Variants in KMT2C observed in about 807,000 individuals in gnomAD.
KMT2C encodes the protein histone-lysine N-methyltransferase 2C.
In KMT2C, 88 loss-of-function variants were observed where a neutral mutation model predicts 507.9. The observed-to-expected ratio is 0.17, with a 90% confidence interval of 0.15 to 0.21. The LOEUF is 0.21. Among genes scored for constraint, KMT2C ranks in the 10% least tolerant of loss-of-function variants. The pLI is 1.00. For synonymous variants in KMT2C, 2,049 were observed against 2,080.8 expected, an observed-to-expected ratio of 0.98 and a Z score of 0.42; for missense variants, 4,954 against 5,957.8, an observed-to-expected ratio of 0.83 and a Z score of 5.55.
chr7:152,152,882 T>G lies in KMT2C; in HGVS notation c.12349A>C (p.Ser4117Arg). The G allele has an allele frequency of 6.2e-7, 1 of 1,614,192 alleles. No individual in the cohort carries two copies. The highest frequency in any genetic ancestry group is 8.5e-7 in the Non-Finnish European group (1 of 1,180,028). Residue 4117 changes from serine to arginine, a missense_variant, in exon 49 of 59, where the codon AGT (serine) becomes CGT (arginine). This residue lies in a region of KMT2C where 417 missense variants were observed against 461.1 expected (regional missense o/e 0.90). Transcript: ENST00000262189. ...CCCATGGATGGGACATCTGGAGCAC[T>G]GCTAACCTCATAGCTGTTAGGGATT... is the stretch of plus-strand genomic sequence containing the variant. Reference protein sequence around the residue: ...VRIPNSYEVSSAPDVPSMGLV... With the variant: ...VRIPNSYEVSRAPDVPSMGLV...
In KMT2C at chr7:152,252,624, T is replaced by C. The variant is rs2095579613; in HGVS notation, c.1391A>G (p.Asp464Gly). ...CTTCCCACAGAAGGGACATAAGTTATCCTGCTGTTGGTAACAATTGTCACA... is the reference window on the plus strand; with the variant it reads ...CTTCCCACAGAAGGGACATAAGTTACCCTGCTGTTGGTAACAATTGTCACA... ...LICDNCYQQQ[D>G]NLCPFCGKCY... The change falls in exon 10 of 59, where the codon GAT becomes GGT. Residue 464 changes from aspartate (D) to glycine (G), a missense_variant. By Grantham distance (94) the Asp-to-Gly change is moderately conservative. This residue lies in a region of KMT2C where 376 missense variants were observed against 352.4 expected (regional missense o/e 1.07). Transcript: ENST00000262189. The C allele has an allele frequency of 6.2e-7, 1 of 1,613,364 alleles. No homozygotes were observed. Among genetic ancestry groups the C allele is most frequent in the East Asian group, 2.2e-5 (1 of 44,848 alleles).
chr7:152,323,946 G>A (rs867779993), intron 3 of KMT2C, among the ~76,000 whole-genome samples: 2 of 151,282 alleles, frequency 1.3e-5, no homozygotes, highest in South Asian at 2.1e-4. Context: ...AGACAAATAC[G>A]GCATGATCTC....
chr7:152,302,099 CAA>C (rs1375312667), intron 6 of KMT2C, among the ~76,000 whole-genome samples: 1 of 152,102 alleles, frequency 6.6e-6, no homozygotes, highest in Non-Finnish European at 1.5e-5. Flanking sequence ...TGGTTTTACA[CAA>C]AGACATCTGG....
At chr7:152,215,721 T>TAC (rs1252311319) in intron 23 of KMT2C, among the ~76,000 whole-genome samples, 17 of 141,022 alleles carry the variant, frequency 1.2e-4, no homozygotes, top group South Asian at 6.7e-4. Context: ...AATATATATA[T>TAC]ATACACACAC....
intron 1 of KMT2C, among the ~76,000 whole-genome samples, chr7:152,411,809 G>GGATTTCTTT (rs2097687667): frequency 6.6e-6 from 1 of 152,252 alleles, no homozygotes; most frequent in African/African-American, 2.4e-5. Flanking sequence ...AAAGGGAAAC[G>GGATTTCTTT]AACGCGTTTT....
At chr7:152,159,933 G>A (rs1421728698) in intron 43 of KMT2C, among the ~76,000 whole-genome samples, 6 of 152,258 alleles carry the variant, frequency 3.9e-5, no homozygotes, top group South Asian at 2.1e-4. Context: ...ATAGTTTAGC[G>A]CATGGATGGC....
chr7:152,341,241 C>A (rs936406529), intron 2 of KMT2C, among the ~76,000 whole-genome samples: 1 of 152,158 alleles, frequency 6.6e-6, no homozygotes, highest in African/African-American at 2.4e-5. Flanking sequence ...CCCAGCCAAG[C>A]CTGACCTAAA....
intron 6 of KMT2C, among the ~76,000 whole-genome samples, chr7:152,289,604 TAA>T (rs1358539276): frequency 2.0e-5 from 3 of 152,158 alleles, no homozygotes; most frequent in Non-Finnish European, 4.4e-5. Context: ...AAAAAAGGAA[TAA>T]AGTGAGCCTG....
intron 6 of KMT2C, among the ~76,000 whole-genome samples, chr7:152,301,197 TAA>T (rs71533557): frequency 0.11 from 14,470 of 132,492 alleles, 1,686 homozygotes; most frequent in African/African-American, 0.3. Context: ...CCCTGTCTCC[TAA>T]AAAAAAAAAA....
intron 34 of KMT2C, among the ~76,000 whole-genome samples, chr7:152,183,720 C>CT: frequency 6.6e-6 from 1 of 152,104 alleles, no homozygotes; most frequent in East Asian, 1.9e-4. Flanking sequence ...AACATGGAGA[C>CT]ACCCCATCTC....
intron 1 of KMT2C, among the ~76,000 whole-genome samples, chr7:152,393,793 G>A (rs1240672899): frequency 1.3e-5 from 2 of 151,572 alleles, no homozygotes; most frequent in African/African-American, 4.9e-5. Flanking sequence ...TGGGGAGGTT[G>A]AGGCAGGAGA....
At position 152,435,836 on chromosome 7, in the gene KMT2C, TCCCGCCGCCGCGGCC is replaced by T. The variant is rs1365047049; in HGVS notation, c.-65_-51del. ...GATCCCGGTCCTCCTCCTGGGGGGC[TCCCGCCGCCGCGGCC>T]GCCGCCGCCGCCGCTGCTGCTCGGG... On this transcript the variant is annotated 5_prime_UTR_variant, in exon 1 of 59. Coordinates refer to ENST00000262189, the MANE Select transcript of KMT2C (RefSeq NM_170606.3). The T allele has an allele frequency of 1.3e-5, 13 of 994,948 alleles. No individual in the cohort carries two copies. The South Asian group carries it at 2.1e-4, about 16-fold the overall frequency. 61.6% of individuals were successfully genotyped at this position (994,948 alleles called of 1,614,324 possible).
rs2129164171 is a variant in KMT2C at position 152,248,269 on chromosome 7, C to T, written c.2165G>A (p.Gly722Glu). 1.9e-6 allele frequency: 3 copies of T among 1,613,880 alleles called. No homozygotes were observed. Among genetic ancestry groups the T allele is most frequent in the Non-Finnish European group, 1.7e-6 (2 of 1,179,800 alleles). ...EEQLVIERLQ[G>E]EKEQKENSEL... The stretch of plus-strand genomic sequence containing the variant: ...AGAATTTTCTTTCTGTTCCTTTTCT[C>T]CTTGTAGCCTTTCTATAACCAACTG... The change falls in exon 14 of 59, where the codon GGA (glycine) becomes GAA (glutamate). Residue 722 changes from glycine to glutamate, a missense_variant. By Grantham distance (98) the Gly-to-Glu change is moderately conservative. This residue lies in a region of KMT2C where 376 missense variants were observed against 352.4 expected (regional missense o/e 1.07). Transcript: ENST00000262189.
At chr7:152,351,937 A>G (rs7787677) in intron 2 of KMT2C, among the ~76,000 whole-genome samples, 22,700 of 152,130 alleles carry the variant, frequency 0.15, 4,517 homozygotes, top group African/African-American at 0.46. Context: ...ATGAAATCTG[A>G]GCACCTTGAA....
chr7:152,366,846 T>C (rs1198444539), intron 1 of KMT2C: 3 of 279,324 alleles, frequency 1.1e-5, no homozygotes, highest in African/African-American at 6.9e-5. Flanking sequence ...GGAGGAGCTT[T>C]ACAACTTCCC....
Position 152,346,270 on chromosome 7 carries a change from A to T in KMT2C, c.250+12317T>A, listed in dbSNP as rs530872641. On this transcript the variant is annotated intron_variant, in intron 2 of 58. Coordinates refer to ENST00000262189, the MANE Select transcript of KMT2C (RefSeq NM_170606.3). The stretch of plus-strand genomic sequence containing the variant: ...GACATCTAAAGACTACTTCATCAAC[A>T]ATAGCAGAATACACATGCTTCTCAT... Among the ~76,000 whole-genome samples, 4 of 152,322 alleles carry T rather than the reference A, an allele frequency of 2.6e-5. No homozygotes were observed. In the East Asian group the frequency reaches 7.7e-4, roughly 29 times the overall value.
chr7:152,151,923 G>A (rs1266167942), intron 49 of KMT2C, among the ~76,000 whole-genome samples: 1 of 151,858 alleles, frequency 6.6e-6, no homozygotes, highest in Non-Finnish European at 1.5e-5. Flanking sequence ...AGGTTAAGAT[G>A]GTAAAAAAAC....
chr7:152,230,871 G>A (rs1268168193), intron 16 of KMT2C, among the ~76,000 whole-genome samples: 2 of 152,178 alleles, frequency 1.3e-5, no homozygotes, highest in Admixed American at 6.5e-5. Context: ...AGGCTGGAGT[G>A]TAATGGCGCG....
intron 43 of KMT2C, 100 bp downstream of exon 43, chr7:152,162,017 G>T: frequency 7.6e-7 from 1 of 1,323,652 alleles, no homozygotes; most frequent in Non-Finnish European, 9.8e-7. Context: ...GAATAAAAAG[G>T]TTGTAGAATA....
Sources: gnomAD v4.1 joint callset for allele counts (sites outside exome capture counted in the v4.1 genomes callset) on GRCh38, gnomAD v4.1.1 for gene constraint, gnomAD v4.1.1 regional missense constraint, MANE v1.5 for transcripts, NCBI Gene and HGNC (gene_info 2026-07-23, HGNC 2026-07-21) for gene names.